The following LIN54 variants were observed in gnomAD, a reference collection of about 807,000 sequenced individuals.
LIN54 encodes protein lin-54 homolog.
Under a neutral mutation model 78.7 loss-of-function variants are expected in LIN54, and 9 were observed. The ratio of observed to expected loss-of-function variants is 0.11; its 90% confidence interval spans 0.07 to 0.20. The LOEUF is 0.20. LIN54 is among the 10% of genes least tolerant of loss of function. The pLI, the probability that LIN54 is intolerant of heterozygous loss-of-function variation, is 1.00. For missense variants in LIN54, 573 were observed against 889.9 expected, an observed-to-expected ratio of 0.64 and a Z score of 4.53; for synonymous variants, 269 against 318.4, an observed-to-expected ratio of 0.84 and a Z score of 1.65.
At chr4:83,002,323 C>T (rs1313002859) in intron 1 of LIN54, among the ~76,000 whole-genome samples, 3 of 150,694 alleles carry the variant, frequency 2.0e-5, no homozygotes, top group Non-Finnish European at 3.0e-5. Context: ...ATCGCCTAAG[C>T]CCAGGTGGAG....
At chr4:82,957,009 A>G (rs555677231) in intron 4 of LIN54, among the ~76,000 whole-genome samples, 1 of 152,258 alleles carries the variant, frequency 6.6e-6, no homozygotes, top group East Asian at 1.9e-4. Context: ...AATCAATAGA[A>G]CCTATGACTT....
At chr4:83,011,944 C>A (rs1729877860), upstream of LIN54, 1 of 737,848 alleles carries the variant, frequency 1.4e-6, no homozygotes, top group Non-Finnish European at 1.7e-6. Context: ...GCGAACAGGG[C>A]CACTCTACTG....
intron 3 of LIN54, among the ~76,000 whole-genome samples, chr4:82,974,984 A>C (rs566851895): frequency 6.2e-4 from 94 of 152,324 alleles, no homozygotes; most frequent in African/African-American, 2.2e-3. Context: ...GCAAAAAGAA[A>C]AAGTTTTAGA....
chr4:82,989,208 G>C (rs1727453388), intron 1 of LIN54, among the ~76,000 whole-genome samples: 1 of 151,742 alleles, frequency 6.6e-6, no homozygotes, highest in Admixed American at 6.6e-5. Context: ...AAAAATACCA[G>C]GTTTACAGTC....
At chr4:82,989,716 G>A (rs901265586) in intron 1 of LIN54, among the ~76,000 whole-genome samples, 1 of 152,152 alleles carries the variant, frequency 6.6e-6, no homozygotes, top group African/African-American at 2.4e-5. Context: ...GGAGGGAGAG[G>A]TCAGGCCACA....
Position 83,010,702 on chromosome 4 carries a change from A to G in LIN54, c.-251T>C. On this transcript the variant is annotated 5_prime_UTR_variant, in exon 1 of 13. Coordinates refer to ENST00000340417, the MANE Select transcript of LIN54 (RefSeq NM_194282.4). ...CGTCGCCGTCGCCGCCGCCTCTGGT[A>G]TGTCAGGGGCCGGGATTGTATTTCG... 2.5e-6 allele frequency: 3 copies of G among 1,201,598 alleles called. No homozygotes were observed. Among genetic ancestry groups the G allele is most frequent in the Non-Finnish European group, 3.1e-6 (3 of 970,148 alleles). The allele number at this position is 1,201,598 out of a possible 1,614,324, so 74.4% of individuals were successfully genotyped here.
Position 82,925,724 on chromosome 4 carries a change from G to C in LIN54, c.*2378C>G, listed in dbSNP as rs1247336757. The C allele has an allele frequency of 1.3e-5, 2 of 152,668 alleles. No individual in the cohort carries two copies. The highest frequency in any genetic ancestry group is 3.9e-4 in the East Asian group (2 of 5,188). The allele number at this position is 152,668 out of a possible 1,614,324, so 9.5% of individuals were successfully genotyped here. A position where few individuals can be genotyped will look rare whatever the true frequency, so the allele number is the denominator to read the frequency against. Reference sequence around the variant, plus strand: ...GAAAAAATGCAAAACCTTTTTTACAGAATAGTATAAATGTTTATTTTCTGT... The same window carrying C: ...GAAAAAATGCAAAACCTTTTTTACACAATAGTATAAATGTTTATTTTCTGT... On this transcript the variant is annotated 3_prime_UTR_variant, in exon 13 of 13. Transcript: ENST00000340417.
chr4:82,936,289 T>C lies in LIN54; in HGVS notation c.1697A>G (p.Lys566Arg). The C allele has an allele frequency of 6.4e-7, 1 of 1,566,230 alleles. No homozygotes were observed. The highest frequency in any genetic ancestry group is 8.7e-7 in the Non-Finnish European group (1 of 1,149,592). Residue 566 changes from lysine (K) to arginine (R), a missense_variant, in exon 10 of 13, where the codon AAA becomes AGA. Transcript: ENST00000340417. ...ATAAAAAATAATCACCTTTATTGCT[T>C]TTTGCCTTTCATTTTCATGTTCCAA... is the stretch of plus-strand genomic sequence containing the variant. ...NNLEHENERQ[K>R]AIKACLDRNP...
chr4:82,991,933 C>G (rs1727750305), intron 1 of LIN54, among the ~76,000 whole-genome samples: 1 of 152,046 alleles, frequency 6.6e-6, no homozygotes, highest in Non-Finnish European at 1.5e-5. Flanking sequence ...CTGTAGTTTT[C>G]TTTTCATTTT....
chr4:82,946,874 A>G (rs1395638786), intron 4 of LIN54, among the ~76,000 whole-genome samples: 2 of 152,118 alleles, frequency 1.3e-5, no homozygotes, highest in Non-Finnish European at 2.9e-5. Context: ...CATTATTGCT[A>G]CCCACCAAAA....
intron 11 of LIN54, among the ~76,000 whole-genome samples, chr4:82,932,549 T>A (rs890366759): frequency 3.3e-5 from 5 of 149,404 alleles, no homozygotes; most frequent in African/African-American, 9.8e-5. Flanking sequence ...CCAGGCGCGG[T>A]GGCTCACGCC....
intron 2 of LIN54, among the ~76,000 whole-genome samples, chr4:82,983,654 T>C (rs553644324): frequency 1.3e-5 from 2 of 152,234 alleles, no homozygotes; most frequent in South Asian, 4.1e-4. Flanking sequence ...GTCTTTTCCA[T>C]AGTACAAACA....
intron 11 of LIN54, among the ~76,000 whole-genome samples, 181 bp from the exon 12 acceptor site, chr4:82,931,326 T>G (rs1721933874): frequency 6.6e-6 from 1 of 152,224 alleles, no homozygotes; most frequent in Admixed American, 6.5e-5. Flanking sequence ...TAGGTATTCT[T>G]AAGTCTGACA....
intron 2 of LIN54, among the ~76,000 whole-genome samples, chr4:82,981,543 A>G (rs1327800146): frequency 1.3e-5 from 2 of 152,176 alleles, no homozygotes; most frequent in Non-Finnish European, 2.9e-5. Flanking sequence ...TGGTGTCAAA[A>G]AAGGAAAAAA....
chr4:83,010,857 C>T (rs1729815858), upstream of LIN54: 1 of 1,220,330 alleles, frequency 8.2e-7, no homozygotes, highest in Non-Finnish European at 1.0e-6. Context: ...CCTCCCCGCC[C>T]GCCCCACCCG....
chr4:82,996,648 CCCAT>C (rs1368669387), intron 1 of LIN54, among the ~76,000 whole-genome samples: 31 of 152,148 alleles, frequency 2.0e-4, no homozygotes, highest in Non-Finnish European at 4.1e-4. Flanking sequence ...TCATGATCCA[CCCAT>C]CTCAGCCTCC....
chr4:83,008,279 A>C (rs1046650628), intron 1 of LIN54, among the ~76,000 whole-genome samples: 2 of 152,136 alleles, frequency 1.3e-5, no homozygotes, highest in Non-Finnish European at 2.9e-5. Context: ...TGAAGTAATG[A>C]TATTGAGGTT....
intron 2 of LIN54, among the ~76,000 whole-genome samples, chr4:82,979,745 C>T (rs1726466250): frequency 6.6e-6 from 1 of 151,804 alleles, no homozygotes; most frequent in Non-Finnish European, 1.5e-5. Context: ...CAAGACCAGC[C>T]TGGCCAACAT....
At chr4:82,953,548 A>T (rs760165383) in intron 4 of LIN54, among the ~76,000 whole-genome samples, 1 of 152,180 alleles carries the variant, frequency 6.6e-6, no homozygotes, top group Non-Finnish European at 1.5e-5. Context: ...GGATCATTTA[A>T]GGCCAGGTGT....
Sources: allele counts gnomAD v4.1 joint callset (sites outside exome capture counted in the v4.1 genomes callset), GRCh38; gene constraint gnomAD v4.1.1; transcripts MANE v1.5; gene names NCBI Gene and HGNC (gene_info 2026-07-23, HGNC 2026-07-21).